Variants in CR2 observed in about 807,000 individuals in gnomAD.
The protein encoded by CR2 is complement C3d receptor 2.
A neutral mutation model predicts 123.0 loss-of-function variants in CR2; 96 were observed. That is an observed-to-expected ratio of 0.78 (90% confidence interval 0.66 to 0.93). CR2 has a LOEUF of 0.93. Ranked by LOEUF, CR2 falls within the 40% of genes least tolerant of loss-of-function variation. The pLI is 0.00. For missense variants in CR2, 1,258 were observed against 1,361.0 expected (o/e 0.92, Z 1.19); for synonymous variants, 484 against 469.5 (o/e 1.03, Z -0.40).
At chr1:207,485,916 T>A (rs538992461) in intron 19 of CR2, among the ~76,000 whole-genome samples, 1 of 152,164 alleles carries the variant, frequency 6.6e-6, no homozygotes, top group Admixed American at 6.5e-5. Flanking sequence ...AGAATGTCAT[T>A]TGAGAAAAAA....
chr1:207,470,694 G>A (rs756071188), intron 6 of CR2, 46 bp from the exon 7 acceptor site: 29 of 1,581,288 alleles, frequency 1.8e-5, no homozygotes, highest in Non-Finnish European at 2.4e-5. Flanking sequence ...TCTTTCTGTG[G>A]TTGTTTACTT....
chr1:207,463,084 C>G (rs1658005791), intron 1 of CR2, among the ~76,000 whole-genome samples: 1 of 152,166 alleles, frequency 6.6e-6, no homozygotes, highest in South Asian at 2.1e-4. Context: ...CAAAAAGTCT[C>G]CTGAATCCCA....
intron 15 of CR2, among the ~76,000 whole-genome samples, chr1:207,476,993 A>G (rs1658458396): frequency 6.6e-6 from 1 of 152,234 alleles, no homozygotes; most frequent in South Asian, 2.1e-4. Context: ...TGCCATGATT[A>G]TCCCTGTTTT....
Position 207,454,500 on chromosome 1 carries a change from A to C in CR2, c.58+24A>C. 1 of 1,508,764 alleles carries C rather than the reference A, an allele frequency of 6.6e-7. No homozygotes were observed. The highest frequency in any genetic ancestry group is 8.9e-7 in the Non-Finnish European group (1 of 1,122,370). 93.5% of individuals were successfully genotyped at this position (1,508,764 alleles called of 1,614,324 possible). ...CGGTGAGCTGGGAGGGGGAGCACGG[A>C]GGTGGGGACGCGTCCCGGGCAGGGA... On this transcript the variant is annotated intron_variant, in intron 1 of 19. Coordinates refer to ENST00000367057, the MANE Select transcript of CR2 (RefSeq NM_001006658.3). This position sits in a 1 kb window ranked among gnomAD's most constrained non-coding sequence, Gnocchi z 4.3.
chr1:207,466,229 A>G (rs991545538), intron 1 of CR2, among the ~76,000 whole-genome samples: 3 of 152,116 alleles, frequency 2.0e-5, no homozygotes, highest in African/African-American at 7.2e-5. Context: ...TGTTATTTTC[A>G]TGTGCTGAAT....
At chr1:207,470,324 T>C (rs961735457) in intron 6 of CR2, among the ~76,000 whole-genome samples, 9 of 152,126 alleles carry the variant, frequency 5.9e-5, no homozygotes, top group Non-Finnish European at 1.2e-4. Context: ...AATCACTAAG[T>C]TTCTCATTTC....
At position 207,476,241 on chromosome 1, in the gene CR2, A is replaced by C. The variant is rs774326749; in HGVS notation, c.2724A>C (p.Ile908=). ...TTCTTATTGGTGTCTAAGCCTTCATAGGGTGTCCACCTCCGCCTAAGACCC... is the reference window on the plus strand; with the variant it reads ...TTCTTATTGGTGTCTAAGCCTTCATCGGGTGTCCACCTCCGCCTAAGACCC... ...GVPTCIKKAF[I]GCPPPPKTPN... is the part of the protein sequence containing the mutation. The change falls in exon 15 of 20, where the codon ATA becomes ATC. Residue 908 remains isoleucine (I), a synonymous_variant. Coordinates refer to ENST00000367057, the MANE Select transcript of CR2 (RefSeq NM_001006658.3). 1 of 1,613,672 alleles carries C rather than the reference A, an allele frequency of 6.2e-7. No individual in the cohort carries two copies. The highest frequency in any genetic ancestry group is 8.5e-7 in the Non-Finnish European group (1 of 1,179,746).
Position 207,469,194 on chromosome 1 carries a change from G to C in CR2, c.779G>C (p.Gly260Ala). 2 of 1,613,904 alleles carry C rather than the reference G, an allele frequency of 1.2e-6. No individual in the cohort carries two copies. Among genetic ancestry groups the C allele is most frequent in the Non-Finnish European group, 1.7e-6 (2 of 1,179,840 alleles). Residue 260 changes from glycine to alanine, a missense_variant, in exon 5 of 20, where the codon GGA (glycine) becomes GCA (alanine). Physicochemically the swap from Gly to Ala is moderately conservative, Grantham distance 60. Transcript: ENST00000367057. ...CCTTCTAGTCGGTGTGTAATTGCTG[G>C]ACAGGGAGTTGCTTGGACCAAAATG... ...GPPSSRCVIA[G>A]QGVAWTKMPV...
chr1:207,473,749 T>C (rs201390929), intron 11 of CR2, 28 bp downstream of exon 11: 15 of 1,613,928 alleles, frequency 9.3e-6, no homozygotes, highest in East Asian at 2.2e-5. Context: ...GTTGTCCTTC[T>C]CTTTGATATG....
chr1:207,470,237 T>G, intron 6 of CR2, 135 bp downstream of exon 6: 1 of 970,568 alleles, frequency 1.0e-6, no homozygotes, highest in Non-Finnish European at 1.5e-6. Context: ...CAATATAAAT[T>G]TTGTAGAGGG....
intron 1 of CR2, among the ~76,000 whole-genome samples, chr1:207,457,544 G>A (rs1171657406): frequency 1.3e-5 from 2 of 152,000 alleles, no homozygotes; most frequent in East Asian, 1.9e-4. Flanking sequence ...CTCAAATTTC[G>A]TTATCTCCTT....
intron 15 of CR2, 120 bp downstream of exon 15, chr1:207,476,539 A>G (rs1014804023): frequency 7.3e-5 from 65 of 888,880 alleles, no homozygotes; most frequent in Non-Finnish European, 1.0e-4. Context: ...GATTACATTA[A>G]AGGCTTTAAT....
rs148153783 is a variant in CR2, at chr1:207,472,888, G to A, written c.1687G>A (p.Gly563Arg). The change falls in exon 10 of 20, where the codon GGA becomes AGA. Residue 563 changes from glycine to arginine, a missense_variant. Coordinates refer to ENST00000367057, the MANE Select transcript of CR2 (RefSeq NM_001006658.3). The stretch of plus-strand genomic sequence containing the variant: ...CACATGTAACCCTGGGCCAGAAAGA[G>A]GAGTGGAATTCAGCCTCATTGGAGA... ...TYTCNPGPER[G>R]VEFSLIGEST... 11 of 1,613,934 alleles carry A rather than the reference G, an allele frequency of 6.8e-6. No individual in the cohort carries two copies. In the African/African-American group the frequency reaches 1.5e-4, roughly 22 times the overall value.
chr1:207,461,950 T>G (rs1388726407), intron 1 of CR2, among the ~76,000 whole-genome samples: 1 of 152,110 alleles, frequency 6.6e-6, no homozygotes, highest in Non-Finnish European at 1.5e-5. Flanking sequence ...CTAGGGGCAC[T>G]GGGTATGAGG....
In CR2 at chr1:207,454,434, C is replaced by T. The variant is rs755808306; in HGVS notation, c.16C>T (p.Leu6=). The T allele has an allele frequency of 1.9e-6, 3 of 1,585,592 alleles. No individual in the cohort carries two copies. Among genetic ancestry groups the T allele is most frequent in the Non-Finnish European group, 2.6e-6 (3 of 1,172,538 alleles). Residue 6 remains leucine, a synonymous_variant, in exon 1 of 20, where the codon CTG becomes TTG. Transcript: ENST00000367057. The surrounding 1 kb of genome is among the most constrained non-coding windows in gnomAD (Gnocchi z 4.3). MGAAG[L]LGVFLALVAP... ...CGGCCGTGGCATGGGCGCCGCGGGC[C>T]TGCTCGGGGTTTTCTTGGCTCTCGT... is the stretch of plus-strand genomic sequence containing the variant.
At chr1:207,478,179 G>A in intron 16 of CR2, 109 bp downstream of exon 16, 1 of 1,185,066 alleles carries the variant, frequency 8.4e-7, no homozygotes, top group East Asian at 2.6e-5. Flanking sequence ...ATAGGTTTGT[G>A]ACCAGTTGTA....
chr1:207,486,047 A>G (rs1259407835), intron 19 of CR2, among the ~76,000 whole-genome samples: 1 of 151,894 alleles, frequency 6.6e-6, no homozygotes, highest in Admixed American at 6.6e-5. Context: ...TCTGTTCAAC[A>G]TGGTAAAACC....
intron 2 of CR2, 145 bp downstream of exon 2, chr1:207,467,057 TG>T: frequency 9.5e-7 from 1 of 1,048,556 alleles, no homozygotes; most frequent in Non-Finnish European, 1.3e-6. Context: ...GTGAAAGTTA[TG>T]GCTTCTTCGT....
chr1:207,466,371 G>T (rs1241429211), intron 1 of CR2, among the ~76,000 whole-genome samples, 155 bp from the exon 2 acceptor site: 1 of 152,196 alleles, frequency 6.6e-6, no homozygotes, highest in Non-Finnish European at 1.5e-5. Context: ...TAAGAATTTA[G>T]GAGTTTGGGA....
Sources: allele counts gnomAD v4.1 joint callset (sites outside exome capture counted in the v4.1 genomes callset), GRCh38; gene constraint gnomAD v4.1.1; non-coding constraint Gnocchi (gnomAD v3.1); transcripts MANE v1.5; gene names NCBI Gene and HGNC (gene_info 2026-07-23, HGNC 2026-07-21).